SRMS: variants seen among roughly 807,000 people sequenced by gnomAD.
SRMS encodes tyrosine-protein kinase Srms.
Under a neutral mutation model 43.5 loss-of-function variants are expected in SRMS, and 42 were observed. The ratio of observed to expected loss-of-function variants is 0.97; its 90% CI spans 0.75 to 1.25. The LOEUF (loss-of-function observed/expected upper bound fraction) is 1.25, where lower values mean the gene tolerates loss of function less well. Among genes scored for constraint, SRMS ranks in the 50% most tolerant of loss-of-function variants. SRMS has a pLI of 0.00. For missense variants in SRMS, 703 were observed against 681.0 expected, an observed-to-expected ratio of 1.03 and a Z score of -0.36; for synonymous variants, 316 against 308.2, an observed-to-expected ratio of 1.03 and a Z score of -0.27.
Position 63,547,253 on chromosome 20 carries a change from T to C in SRMS, c.211A>G (p.Ser71Gly), listed in dbSNP as rs771309609. The change falls in exon 1 of 8, where the codon AGT becomes GGT. Residue 71 changes from serine to glycine, a missense_variant. By Grantham distance (56) the Ser-to-Gly change is moderately conservative. Coordinates refer to ENST00000217188, the MANE Select transcript of SRMS (RefSeq NM_080823.4). ...DFTARCGGEL[S>G]VRRGDRLCAL... ...CAGAGCCTGTCCCCGCGGCGGACAC[T>C]CAGCTCCCCGCCACACCGCGCCGTG... 10 of 1,606,592 alleles carry C rather than the reference T, an allele frequency of 6.2e-6. No individual in the cohort carries two copies. The highest frequency in any genetic ancestry group is 8.5e-6 in the Non-Finnish European group (10 of 1,176,648).
rs780722547 is a variant in SRMS, at chr20:63,547,122, C to T, written c.342G>A (p.Thr114=). 1.1e-5 allele frequency: 17 copies of T among 1,586,834 alleles called. No individual in the cohort carries two copies. Among genetic ancestry groups the T allele is most frequent in the Admixed American group, 5.2e-5 (3 of 57,844 alleles). ...ITHVAKASPE[T]LSDQPWYFSG... ...GAGGTACTCACGGTTGGTCTGAGAG[C>T]GTCTCAGGAGAAGCCTTGGCCACGT... The change falls in exon 1 of 8, where the codon ACG becomes ACA. Residue 114 remains threonine (T), a synonymous_variant. Transcript: ENST00000217188.
At chr20:63,542,790 C>A (rs2082711988) in intron 3 of SRMS, among the ~76,000 whole-genome samples, 1 of 152,174 alleles carries the variant, frequency 6.6e-6, no homozygotes, top group African/African-American at 2.4e-5. Flanking sequence ...TAAGTGGCAC[C>A]TTTGCCCCAG....
At position 63,541,432 on chromosome 20, in the gene SRMS, C is replaced by T. The variant is rs776562466; in HGVS notation, c.1128+7G>A. 3.9e-5 allele frequency: 62 copies of T among 1,595,536 alleles called. No homozygotes were observed. Among genetic ancestry groups the T allele is most frequent in the African/African-American group, 1.1e-4 (8 of 74,740 alleles). On this transcript the variant is annotated splice_region_variant and intron_variant, in intron 6 of 7. Coordinates refer to ENST00000217188, the MANE Select transcript of SRMS (RefSeq NM_080823.4). ...CTCTGGGTCAGGGGCCCAGAGCCTCCGCTGACCTTGAGCAGCCGGGCCAGG... is the reference window on the plus strand; with the variant it reads ...CTCTGGGTCAGGGGCCCAGAGCCTCTGCTGACCTTGAGCAGCCGGGCCAGG...
rs924959007 is a variant in SRMS at position 63,540,078 on chromosome 20, G to A, written c.*740C>T. Among the ~76,000 whole-genome samples the A allele has an allele frequency of 6.6e-6, 1 of 152,216 alleles. No individual in the cohort carries two copies. The highest frequency in any genetic ancestry group is 6.5e-5 in the Admixed American group (1 of 15,284). On this transcript the variant is annotated 3_prime_UTR_variant, in exon 8 of 8. Transcript: ENST00000217188. ...TAGCCACGTGGACCCGTACGCTCCAGCTCCTGGGTCTGGGTTTGGGGGGCT... is the reference window on the plus strand; with the variant it reads ...TAGCCACGTGGACCCGTACGCTCCAACTCCTGGGTCTGGGTTTGGGGGGCT...
rs867479467 is a variant in SRMS, at chr20:63,547,685, G to A, written c.-222C>T. Reference sequence around the variant, plus strand: ...GTTGGGGCTGGGTGGGGCGCAGGGCGGACCCCCTGCCTCAGGCACACCGAC... The same window carrying A: ...GTTGGGGCTGGGTGGGGCGCAGGGCAGACCCCCTGCCTCAGGCACACCGAC... On this transcript the variant is annotated 5_prime_UTR_variant, in exon 1 of 8. Coordinates refer to ENST00000217188, the MANE Select transcript of SRMS (RefSeq NM_080823.4). Among the ~76,000 whole-genome samples the A allele has an allele frequency of 6.0e-4, 91 of 152,202 alleles. No individual in the cohort carries two copies. Among genetic ancestry groups the A allele is most frequent in the Admixed American group, 1.6e-3 (24 of 15,282 alleles).
chr20:63,545,395 C>T (rs1374364661), intron 1 of SRMS, among the ~76,000 whole-genome samples: 1 of 152,174 alleles, frequency 6.6e-6, no homozygotes, highest in Admixed American at 6.5e-5. Flanking sequence ...CCAGGGCACA[C>T]CCCGTAAGCA....
Position 63,544,307 on chromosome 20 carries a change from A to G in SRMS, c.398T>C (p.Leu133Pro). ...TGGTTCGTTGGGTGGGGAGAGGAGCAGCTGCTGTGCCTGGGTCCGACTGAC... is the reference window on the plus strand; with the variant it reads ...TGGTTCGTTGGGTGGGGAGAGGAGCGGCTGCTGTGCCTGGGTCCGACTGAC... Reference protein sequence around the residue: ...SGVSRTQAQQLLLSPPNEPGA... With the variant: ...SGVSRTQAQQPLLSPPNEPGA... Residue 133 changes from leucine (L) to proline (P), a missense_variant, in exon 2 of 8, where the codon CTG (leucine) becomes CCG (proline). Leu to Pro is a moderately conservative substitution (Grantham distance 98). Transcript: ENST00000217188. The G allele has an allele frequency of 2.7e-6, 4 of 1,484,806 alleles. No homozygotes were observed. The highest frequency in any genetic ancestry group is 3.6e-6 in the Non-Finnish European group (4 of 1,119,102). 92.0% of individuals were successfully genotyped at this position (1,484,806 alleles called of 1,614,324 possible).
Position 63,542,468 on chromosome 20 carries a change from C to T in SRMS, c.759G>A (p.Leu253=). The part of the protein sequence containing the change: ...EVWEGLWLGS[L]PVAIKVIKSA... Reference sequence around the variant, plus strand: ...ACTTGATGACCTTGATCGCCACGGGCAGGGAGCCCAGCCACAGGCCTTCCC... The same window carrying T: ...ACTTGATGACCTTGATCGCCACGGGTAGGGAGCCCAGCCACAGGCCTTCCC... Residue 253 remains leucine, a synonymous_variant, in exon 4 of 8, where the codon CTG becomes CTA. Transcript: ENST00000217188. 1 of 1,612,376 alleles carries T rather than the reference C, an allele frequency of 6.2e-7. No homozygotes were observed. Among genetic ancestry groups the T allele is most frequent in the Non-Finnish European group, 8.5e-7 (1 of 1,179,704 alleles).
intron 7 of SRMS, 40 bp from the exon 8 acceptor site, chr20:63,541,039 G>T: frequency 6.2e-7 from 1 of 1,605,906 alleles, no homozygotes. Flanking sequence ...ATTCTGCCTG[G>T]GGGTCCCTAT....
At chr20:63,546,396 C>T (rs2082730937) in intron 1 of SRMS, among the ~76,000 whole-genome samples, 1 of 152,218 alleles carries the variant, frequency 6.6e-6, no homozygotes. Context: ...AGGCCTTGCC[C>T]AGCTGGATGC....
In SRMS at chr20:63,541,186, C is replaced by A; in HGVS notation, c.1285+5G>T. On this transcript the variant is annotated splice_donor_5th_base_variant and intron_variant, in intron 7 of 7. Transcript: ENST00000217188. ...CATCCTCCCTCTGGCTGCCTGGGGA[C>A]CCACCTTCATAGGGACACTGGCCAT... is the stretch of plus-strand genomic sequence containing the variant. 6.4e-7 allele frequency: 1 copy of A among 1,550,896 alleles called. No homozygotes were observed. Among genetic ancestry groups the A allele is most frequent in the Non-Finnish European group, 8.7e-7 (1 of 1,152,670 alleles).
chr20:63,541,117 G>A (rs1263352500), intron 7 of SRMS, 74 bp downstream of exon 7: 14 of 1,559,492 alleles, frequency 9.0e-6, no homozygotes, highest in South Asian at 5.9e-5. Flanking sequence ...ACCCCTTGCC[G>A]ACAGCGTCCA....
At chr20:63,543,259 G>A in intron 3 of SRMS, 55 bp downstream of exon 3, 2 of 1,593,296 alleles carry the variant, frequency 1.3e-6, no homozygotes, top group Non-Finnish European at 8.5e-7. Context: ...GGAGCACCTA[G>A]AACAGGGCCA....
At chr20:63,543,596 G>T in intron 2 of SRMS, 116 bp from the exon 3 acceptor site, 2 of 1,289,926 alleles carry the variant, frequency 1.6e-6, no homozygotes, top group Non-Finnish European at 2.1e-6. Flanking sequence ...CCTAGCTGGG[G>T]ACCCTGAGAT....
Position 63,547,166 on chromosome 20 carries a change from C to G in SRMS, c.298G>C (p.Gly100Arg), listed in dbSNP as rs150242036. 6.2e-7 allele frequency: 1 copy of G among 1,610,608 alleles called. No homozygotes were observed. Among genetic ancestry groups the G allele is most frequent in the East Asian group, 2.2e-5 (1 of 44,810 alleles). The change falls in exon 1 of 8, where the codon GGG becomes CGG. Residue 100 changes from glycine to arginine, a missense_variant. Physicochemically the swap from Gly to Arg is moderately radical, Grantham distance 125. Coordinates refer to ENST00000217188, the MANE Select transcript of SRMS (RefSeq NM_080823.4). ...GCCACGTGGGTGATGGGCACGAGCC[C>G]GGCGCTGGGCTGGCCCGAAAGCCTG... Reference protein sequence around the residue: ...ARRLSGQPSAGLVPITHVAKA... With the variant: ...ARRLSGQPSARLVPITHVAKA...
At position 63,547,528 on chromosome 20, in the gene SRMS, C is replaced by A. The variant is rs1020064442; in HGVS notation, c.-65G>T. ...CCCGCGAGCCCGGAAGAGGAACTGGCAGGGCCGGTGGGACCCGGTGTCCAG... is the reference window on the plus strand; with the variant it reads ...CCCGCGAGCCCGGAAGAGGAACTGGAAGGGCCGGTGGGACCCGGTGTCCAG... On this transcript the variant is annotated 5_prime_UTR_variant, in exon 1 of 8. Coordinates refer to ENST00000217188, the MANE Select transcript of SRMS (RefSeq NM_080823.4). 27 of 1,395,544 alleles carry A rather than the reference C, an allele frequency of 1.9e-5. No homozygotes were observed. The East Asian group carries it at 4.4e-4, about 23-fold the overall frequency. 86.4% of individuals were successfully genotyped at this position (1,395,544 alleles called of 1,614,324 possible). A position where few individuals can be genotyped will look rare whatever the true frequency, so the allele number is the denominator to read the frequency against.
At chr20:63,544,497 GGT>G in intron 1 of SRMS, 149 bp from the exon 2 acceptor site, 4 of 1,042,442 alleles carry the variant, frequency 3.8e-6, no homozygotes, top group Non-Finnish European at 5.1e-6. Flanking sequence ...CCCAGCTCAA[GGT>G]CTGCACTGCC....
chr20:63,539,502 A>C lies in SRMS; in HGVS notation c.*1316T>G, dbSNP rs1309958210. Among the ~76,000 whole-genome samples the C allele has an allele frequency of 6.6e-6, 1 of 152,176 alleles. No homozygotes were observed. Among genetic ancestry groups the C allele is most frequent in the East Asian group, 1.9e-4 (1 of 5,190 alleles). Reference sequence around the variant, plus strand: ...CTCAGTCAGGCCTGAACTTGTCTCCAAACTTTCTGTCCCCGAAAGCCTTCT... The same window carrying C: ...CTCAGTCAGGCCTGAACTTGTCTCCCAACTTTCTGTCCCCGAAAGCCTTCT... On this transcript the variant is annotated 3_prime_UTR_variant, in exon 8 of 8. Transcript: ENST00000217188.
At position 63,539,917 on chromosome 20, in the gene SRMS, G is replaced by A. The variant is rs1400687564; in HGVS notation, c.*901C>T. Among the ~76,000 whole-genome samples, 1 of 152,202 alleles carries A rather than the reference G, an allele frequency of 6.6e-6. No homozygotes were observed. The highest frequency in any genetic ancestry group is 1.5e-5 in the Non-Finnish European group (1 of 68,024). On this transcript the variant is annotated 3_prime_UTR_variant, in exon 8 of 8. Coordinates refer to ENST00000217188, the MANE Select transcript of SRMS (RefSeq NM_080823.4). ...CCAAGCCTCCCGGCCCACCCTTCCT[G>A]TGCCACCTGGAACCCACCCAGGGAG... is the stretch of plus-strand genomic sequence containing the variant.
Sources: allele counts gnomAD v4.1 joint callset (sites outside exome capture counted in the v4.1 genomes callset), GRCh38; gene constraint gnomAD v4.1.1; transcripts MANE v1.5; gene names NCBI Gene and HGNC (gene_info 2026-07-23, HGNC 2026-07-21).